RNF20: variants seen among roughly 807,000 people sequenced by gnomAD.
RNF20 encodes E3 ubiquitin-protein ligase BRE1A.
Under a neutral mutation model 126.2 loss-of-function variants are expected in RNF20, and 84 were observed. The observed-to-expected ratio is 0.67, with a 90% CI of 0.56 to 0.80. The LOEUF (loss-of-function observed/expected upper bound fraction) is 0.80, where lower values mean the gene tolerates loss of function less well. Among genes scored for constraint, RNF20 ranks in the 30% least tolerant of loss-of-function variants. The probability of loss-of-function intolerance (pLI) is 0.00; values close to 1 mark genes in which losing one functional copy is unlikely to be tolerated. For synonymous variants in RNF20, 400 were observed against 414.3 expected, an observed-to-expected ratio of 0.97 and a Z score of 0.42; for missense variants, 869 against 1,188.2, an observed-to-expected ratio of 0.73 and a Z score of 3.95.
intron 2 of RNF20, among the ~76,000 whole-genome samples, chr9:101,536,924 A>G (rs1321694536): frequency 6.6e-6 from 1 of 152,054 alleles, no homozygotes; most frequent in Non-Finnish European, 1.5e-5. Flanking sequence ...TCTTCTTCTT[A>G]CTCTCTTTCG....
intron 5 of RNF20, among the ~76,000 whole-genome samples, chr9:101,543,371 G>GA (rs1176296771): frequency 6.7e-6 from 1 of 150,364 alleles, no homozygotes; most frequent in East Asian, 2.0e-4. Context: ...AACCCTGCCA[G>GA]GGCGGCACTG....
At chr9:101,535,358 T>C (rs1393440234) in intron 1 of RNF20, 40 bp from the exon 2 acceptor site, 3 of 1,542,830 alleles carry the variant, frequency 1.9e-6, no homozygotes, top group Non-Finnish European at 2.6e-6. Context: ...GTTGCTTTGC[T>C]TACATATATT....
At chr9:101,554,145 C>CCCACAAATGAAGATT in intron 14 of RNF20, 40 bp downstream of exon 14, 2 of 1,170,974 alleles carry the variant, frequency 1.7e-6, no homozygotes, top group Non-Finnish European at 2.5e-6. Context: ...TGGTTAAAAT[C>CCCACAAATGAAGATT]TTCATTTGTG....
chr9:101,535,642 G>A (rs1827171131), intron 2 of RNF20, 90 bp downstream of exon 2: 56 of 1,411,266 alleles, frequency 4.0e-5, no homozygotes, highest in Non-Finnish European at 5.2e-5. Flanking sequence ...TGGAGTATGG[G>A]GAAGCTATTT....
intron 2 of RNF20, among the ~76,000 whole-genome samples, chr9:101,536,018 A>G (rs1409763304): frequency 6.6e-6 from 1 of 152,186 alleles, no homozygotes; most frequent in Non-Finnish European, 1.5e-5. Flanking sequence ...TTGTCTGTAA[A>G]ATGTAATTAG....
intron 2 of RNF20, 25 bp downstream of exon 2, chr9:101,535,577 G>A: frequency 1.3e-6 from 2 of 1,599,202 alleles, no homozygotes; most frequent in South Asian, 1.1e-5. Flanking sequence ...TGCCATGAAA[G>A]TGTGCTTGTC....
intron 14 of RNF20, among the ~76,000 whole-genome samples, chr9:101,554,320 C>A (rs532026455): frequency 6.6e-6 from 1 of 152,286 alleles, no homozygotes; most frequent in East Asian, 1.9e-4. Flanking sequence ...TATGAGTAGG[C>A]TTTCCAAAGT....
rs1827490464 is a variant in RNF20 at position 101,554,057 on chromosome 9, G to T, written c.1971G>T (p.Gln657His). The T allele has an allele frequency of 1.9e-6, 3 of 1,613,686 alleles. No homozygotes were observed. Among genetic ancestry groups the T allele is most frequent in the Non-Finnish European group, 1.7e-6 (2 of 1,179,664 alleles). Residue 657 changes from glutamine to histidine, a missense_variant, in exon 14 of 20, where the codon CAG becomes CAT. Gln to His is a conservative substitution (Grantham distance 24). Around this residue, in one of 8 missense-constraint regions of RNF20, gnomAD observed 231 missense variants for 263.6 expected, o/e 0.88. Transcript: ENST00000389120. ...LDMYRSAPKE[Q>H]RDKVQLMAAE... ...TGTACCGTTCTGCCCCAAAGGAACA[G>T]AGAGACAAAGTTCAGCTGATGGCAG...
rs1827252303 is a variant in RNF20 at position 101,540,995 on chromosome 9, G to A, written c.628+20G>A. On this transcript the variant is annotated intron_variant, in intron 5 of 19. Transcript: ENST00000389120. ...GTGGAGGTGAGGCAAGACCCTGGAGGCCGGGAGTAGTGGAGGAGGAATAAG... is the reference window on the plus strand; with the variant it reads ...GTGGAGGTGAGGCAAGACCCTGGAGACCGGGAGTAGTGGAGGAGGAATAAG... 1 of 1,601,544 alleles carries A rather than the reference G, an allele frequency of 6.2e-7. No individual in the cohort carries two copies. Among genetic ancestry groups the A allele is most frequent in the East Asian group, 2.2e-5 (1 of 44,706 alleles).
chr9:101,560,950 G>A lies in RNF20; in HGVS notation c.2508+24G>A, dbSNP rs772714630. Reference sequence around the variant, plus strand: ...AGGTATGATTGATTAATCTAATGATGGTTAGTCTCAGTGGAACAAATAAGT... The same window carrying A: ...AGGTATGATTGATTAATCTAATGATAGTTAGTCTCAGTGGAACAAATAAGT... On this transcript the variant is annotated intron_variant, in intron 17 of 19. Transcript: ENST00000389120. The A allele has an allele frequency of 4.4e-6, 7 of 1,605,682 alleles. No individual in the cohort carries two copies. In the Admixed American group the frequency reaches 1.2e-4, roughly 28 times the overall value.
At position 101,550,677 on chromosome 9, in the gene RNF20, C is replaced by T; in HGVS notation, c.1164C>T (p.Phe388=). 6.2e-7 allele frequency: 1 copy of T among 1,614,120 alleles called. No homozygotes were observed. The highest frequency in any genetic ancestry group is 8.5e-7 in the Non-Finnish European group (1 of 1,179,986). Reference sequence around the variant, plus strand: ...AATATCGCTGCATGCAGTCACAGTTCTCCGTCTTGTATAATGAGAGCCTAC... The same window carrying T: ...AATATCGCTGCATGCAGTCACAGTTTTCCGTCTTGTATAATGAGAGCCTAC... The part of the protein sequence containing the change: ...TPEYRCMQSQ[F]SVLYNESLQL... The change falls in exon 10 of 20, where the codon TTC becomes TTT. Residue 388 remains phenylalanine (F), a synonymous_variant. Coordinates refer to ENST00000389120, the MANE Select transcript of RNF20 (RefSeq NM_019592.7).
intron 13 of RNF20, 66 bp from the exon 14 acceptor site, chr9:101,553,922 C>T: frequency 1.2e-6 from 1 of 850,614 alleles, no homozygotes. Flanking sequence ...AATCAAAATT[C>T]CCTTGCTCTG....
intron 1 of RNF20, among the ~76,000 whole-genome samples, 159 bp from the exon 2 acceptor site, chr9:101,535,239 T>C (rs2118661695): frequency 6.6e-6 from 1 of 152,246 alleles, no homozygotes; most frequent in South Asian, 2.1e-4. Flanking sequence ...TTTAATTTTT[T>C]TTTTTTTTCC....
At chr9:101,560,500 T>C (rs907796431) in intron 16 of RNF20, among the ~76,000 whole-genome samples, 1 of 152,224 alleles carries the variant, frequency 6.6e-6, no homozygotes, top group African/African-American at 2.4e-5. Context: ...CTAATTTATA[T>C]GTTATAGTAT....
At chr9:101,544,319 C>G (rs1365992761) in intron 5 of RNF20, among the ~76,000 whole-genome samples, 1 of 152,192 alleles carries the variant, frequency 6.6e-6, no homozygotes, top group Non-Finnish European at 1.5e-5. Context: ...TCTTGAACTC[C>G]TGGCCTCAAG....
At position 101,540,322 on chromosome 9, in the gene RNF20, G is replaced by A; in HGVS notation, c.249G>A (p.Gln83=). Residue 83 remains glutamine (Q), a synonymous_variant, in exon 3 of 20, where the codon CAG becomes CAA. Coordinates refer to ENST00000389120, the MANE Select transcript of RNF20 (RefSeq NM_019592.7). ...REHIEKLERR[Q]ATDDASLLIV... Reference sequence around the variant, plus strand: ...ACATTGAAAAACTGGAACGACGACAGGCCACTGATGATGCCTCACTATTGA... The same window carrying A: ...ACATTGAAAAACTGGAACGACGACAAGCCACTGATGATGCCTCACTATTGA... 1 of 1,614,182 alleles carries A rather than the reference G, an allele frequency of 6.2e-7. No homozygotes were observed. Among genetic ancestry groups the A allele is most frequent in the Non-Finnish European group, 8.5e-7 (1 of 1,180,026 alleles).
chr9:101,535,071 C>G (rs1253539374), intron 1 of RNF20, among the ~76,000 whole-genome samples: 3 of 151,916 alleles, frequency 2.0e-5, no homozygotes, highest in Non-Finnish European at 4.4e-5. Flanking sequence ...CCACGCCTGG[C>G]TAATTTTTTG....
At chr9:101,556,936 T>G (rs995632741) in intron 15 of RNF20, among the ~76,000 whole-genome samples, 1 of 152,138 alleles carries the variant, frequency 6.6e-6, no homozygotes, top group Admixed American at 6.5e-5. Flanking sequence ...TCACTTAAAA[T>G]GAGATAGATA....
At chr9:101,546,729 T>G in intron 6 of RNF20, 91 bp from the exon 7 acceptor site, 2 of 1,376,086 alleles carry the variant, frequency 1.5e-6, no homozygotes, top group Non-Finnish European at 2.0e-6. Flanking sequence ...TATTTGCCTC[T>G]TTTCTATAAT....
Sources: allele counts gnomAD v4.1 joint callset (sites outside exome capture counted in the v4.1 genomes callset), GRCh38; gene constraint gnomAD v4.1.1; regional missense constraint gnomAD v4.1.1; transcripts MANE v1.5; gene names NCBI Gene and HGNC (gene_info 2026-07-23, HGNC 2026-07-21).